POP1: variants seen among roughly 807,000 people sequenced by gnomAD.
The protein encoded by POP1 is ribonucleases P/MRP protein subunit POP1.
Under a neutral mutation model 102.2 loss-of-function variants are expected in POP1, and 75 were observed. That is an observed-to-expected ratio of 0.73 (90% CI 0.61 to 0.89). The LOEUF (loss-of-function observed/expected upper bound fraction) is 0.89, where lower values mean the gene tolerates loss of function less well. Ranked by LOEUF, POP1 falls within the 40% of genes least tolerant of loss-of-function variation. The probability of loss-of-function intolerance (pLI) is 0.00; values close to 1 mark genes in which losing one functional copy is unlikely to be tolerated. For missense variants in POP1, 1,116 were observed against 1,267.4 expected (o/e 0.88, Z 1.81); for synonymous variants, 436 against 464.1 (o/e 0.94, Z 0.78).
At chr8:98,144,898 A>AT (rs922034930) in intron 11 of POP1, among the ~76,000 whole-genome samples, 1 of 151,594 alleles carries the variant, frequency 6.6e-6, no homozygotes, top group Non-Finnish European at 1.5e-5. Context: ...ATTTTACTTT[A>AT]TTTTTTTGAG....
At chr8:98,128,662 T>A in intron 4 of POP1, 122 bp downstream of exon 4, 1 of 1,121,048 alleles carries the variant, frequency 8.9e-7, no homozygotes, top group Non-Finnish European at 1.3e-6. Flanking sequence ...CTCACGCCTG[T>A]AATCTCAGCA....
In POP1 at chr8:98,130,040, A is replaced by T; in HGVS notation, c.549A>T (p.Arg183Ser). The stretch of plus-strand genomic sequence containing the variant: ...AAAATAAATGCCATAAAGCTCGAAG[A>T]TGTCACATGAACCGGACGCTAGAAT... ...HSKNKCHKARRCHMNRTLEFN... is the reference protein window; with the variant it reads ...HSKNKCHKARSCHMNRTLEFN... The change falls in exon 5 of 16, where the codon AGA becomes AGT. Residue 183 changes from arginine to serine, a missense_variant. Arg to Ser is a moderately radical substitution (Grantham distance 110). Transcript: ENST00000401707. 1 of 1,614,114 alleles carries T rather than the reference A, an allele frequency of 6.2e-7. No homozygotes were observed. Among genetic ancestry groups the T allele is most frequent in the Non-Finnish European group, 8.5e-7 (1 of 1,179,940 alleles).
At chr8:98,143,788 T>C (rs899285097) in intron 11 of POP1, among the ~76,000 whole-genome samples, 2 of 152,182 alleles carry the variant, frequency 1.3e-5, no homozygotes, top group African/African-American at 2.4e-5. Flanking sequence ...TTTAGAATAT[T>C]ATATAATTGG....
At chr8:98,127,574 T>G (rs1387451716) in intron 2 of POP1, 21 bp from the exon 3 acceptor site, 1 of 1,613,848 alleles carries the variant, frequency 6.2e-7, no homozygotes, top group Non-Finnish European at 8.5e-7. Flanking sequence ...GGTGACATGT[T>G]TCTTTTTGAA....
At chr8:98,150,400 G>C (rs780105374) in intron 13 of POP1, 85 bp from the exon 14 acceptor site, 11 of 1,453,838 alleles carry the variant, frequency 7.6e-6, no homozygotes, top group South Asian at 1.1e-5. Flanking sequence ...GGGCGTTTAG[G>C]TTGTTTCCAT....
intron 11 of POP1, among the ~76,000 whole-genome samples, chr8:98,143,927 G>A (rs1419865786): frequency 6.6e-6 from 1 of 152,164 alleles, no homozygotes; most frequent in Non-Finnish European, 1.5e-5. Flanking sequence ...GCCAAGGCGG[G>A]CAGATCACCT....
chr8:98,127,809 G>A (rs774410168), intron 3 of POP1, 47 bp downstream of exon 3: 19 of 1,592,078 alleles, frequency 1.2e-5, no homozygotes, highest in African/African-American at 5.4e-5. Context: ...TTGAACTCTC[G>A]TGTCTAGTGC....
At chr8:98,120,732 C>T (rs1414384818) in intron 1 of POP1, among the ~76,000 whole-genome samples, 1 of 151,922 alleles carries the variant, frequency 6.6e-6, no homozygotes, top group Non-Finnish European at 1.5e-5. Context: ...CTGGAAGCTC[C>T]GCCTACCGGG....
chr8:98,117,437 A>C, intron 1 of POP1, 47 bp downstream of exon 1: 1 of 306,446 alleles, frequency 3.3e-6, no homozygotes, highest in Non-Finnish European at 6.2e-6. Flanking sequence ...GTGTCGGGGG[A>C]ACTGTATGCG....
At chr8:98,137,946 CGTG>C (rs1816595079) in intron 9 of POP1, among the ~76,000 whole-genome samples, 1 of 152,108 alleles carries the variant, frequency 6.6e-6, no homozygotes, top group Non-Finnish European at 1.5e-5. Flanking sequence ...ACTGACTTGA[CGTG>C]GTCAAATACG....
chr8:98,135,982 G>A (rs1816525651), intron 7 of POP1, among the ~76,000 whole-genome samples: 1 of 152,122 alleles, frequency 6.6e-6, no homozygotes, highest in East Asian at 1.9e-4. Flanking sequence ...TGAGATTACA[G>A]ACGTGAGCCA....
At position 98,127,612 on chromosome 8, in the gene POP1, TC is replaced by T; in HGVS notation, c.161del (p.Ser54TyrfsTer18). 2 of 1,614,120 alleles carry T rather than the reference TC, an allele frequency of 1.2e-6. No individual in the cohort carries two copies. Among genetic ancestry groups the T allele is most frequent in the Non-Finnish European group, 1.7e-6 (2 of 1,180,014 alleles). ...TATACTAGAGCCTCATCCTGGAACT[TC>T]ACGACAGCGGCAAACCAGAGTCAAC... ...AQKQEPHPGT[S>X]RQRQTRVNPH... On this transcript the variant is annotated frameshift_variant, in exon 3 of 16. Transcript: ENST00000401707. LOFTEE classifies it high-confidence loss of function.
chr8:98,141,024 CT>C, intron 11 of POP1, 136 bp downstream of exon 11: 1 of 980,620 alleles, frequency 1.0e-6, no homozygotes, highest in Non-Finnish European at 1.6e-6. Context: ...TACCTGCCCA[CT>C]TTACAAGCTG....
At position 98,130,557 on chromosome 8, in the gene POP1, G is replaced by A. The variant is rs1816354478; in HGVS notation, c.735+331G>A. Among the ~76,000 whole-genome samples the A allele has an allele frequency of 2.0e-5, 3 of 152,030 alleles. No individual in the cohort carries two copies. In the South Asian group the frequency reaches 6.2e-4, roughly 32 times the overall value. On this transcript the variant is annotated intron_variant, in intron 5 of 15. Transcript: ENST00000401707. ...TAAGGGATAAGATGGGAGGAGAGGG[G>A]GAAGGCAGAAGGAAGCCAGGTGAGA...
chr8:98,141,022 C>G (rs1816688954), intron 11 of POP1, 134 bp downstream of exon 11: 1 of 1,026,228 alleles, frequency 9.7e-7, no homozygotes, highest in East Asian at 2.5e-5. Context: ...CTTACCTGCC[C>G]ACTTTACAAG....
Position 98,130,509 on chromosome 8 carries a change from G to A in POP1, c.735+283G>A, listed in dbSNP as rs530081783. ...TAACCTAACTGGAAGGCGTCCCCCA[G>A]AAGTGCTGTTTGAGCTGAGCTCTAA... On this transcript the variant is annotated intron_variant, in intron 5 of 15. Transcript: ENST00000401707. Among the ~76,000 whole-genome samples the A allele has an allele frequency of 1.0e-4, 15 of 149,778 alleles. No homozygotes were observed. The South Asian group carries it at 2.6e-3, about 26-fold the overall frequency.
chr8:98,153,542 T>TTTTTTTTTC (rs1353514812), intron 14 of POP1, among the ~76,000 whole-genome samples: 3 of 135,622 alleles, frequency 2.2e-5, no homozygotes, highest in Admixed American at 7.3e-5. Context: ...TCTTTTTTTT[T>TTTTTTTTTC]TTTTTTTTTT....
In POP1 at chr8:98,158,270, G is replaced by A; in HGVS notation, c.3074G>A (p.Ter1025=). Residue 1025 remains the stop codon, a stop_retained_variant, in exon 16 of 16, where the codon TGA becomes TAA. Transcript: ENST00000401707. ...TTTGCGAGGATTGCTATTGAGGTGT[G>A]AATGCGTGCTTGTATCCCAGCAGGG... ...YRFARIAIEV[*] 2.5e-6 allele frequency: 4 copies of A among 1,608,138 alleles called. No individual in the cohort carries two copies. Among genetic ancestry groups the A allele is most frequent in the East Asian group, 2.2e-5 (1 of 44,880 alleles).
In POP1 at chr8:98,134,456, C is replaced by G; in HGVS notation, c.824-16C>G. The G allele has an allele frequency of 6.2e-7, 1 of 1,613,652 alleles. No homozygotes were observed. The highest frequency in any genetic ancestry group is 8.5e-7 in the Non-Finnish European group (1 of 1,179,926). ...CAACACCCGGAATTATGGAATTTTG[C>G]TTTTGTTGATGTCAGGGCTGACGTT... is the stretch of plus-strand genomic sequence containing the variant. On this transcript the variant is annotated splice_polypyrimidine_tract_variant and intron_variant, in intron 6 of 15. Transcript: ENST00000401707.
Sources: gnomAD v4.1 joint callset for allele counts (sites outside exome capture counted in the v4.1 genomes callset) on GRCh38, gnomAD v4.1.1 for gene constraint, MANE v1.5 for transcripts, NCBI Gene and HGNC (gene_info 2026-07-23, HGNC 2026-07-21) for gene names.